TSPAN12: variants seen among roughly 807,000 people sequenced by gnomAD.
TSPAN12 encodes the protein tetraspanin 12.
TSPAN12 carries 19 observed loss-of-function variants against 39.2 expected under a neutral mutation model. The ratio of observed to expected loss-of-function variants is 0.49; its 90% CI spans 0.34 to 0.71. The LOEUF (loss-of-function observed/expected upper bound fraction) is 0.71. Ranked by LOEUF, TSPAN12 falls within the 30% of genes least tolerant of loss-of-function variation. The probability of loss-of-function intolerance (pLI) is 0.01; values close to 1 mark genes in which losing one functional copy is unlikely to be tolerated. For synonymous variants in TSPAN12, 119 were observed against 124.8 expected, an observed-to-expected ratio of 0.95 and a Z score of 0.31; for missense variants, 314 against 359.9, an observed-to-expected ratio of 0.87 and a Z score of 1.03.
chr7:120,833,924 T>A (rs1408556768), intron 4 of TSPAN12, among the ~76,000 whole-genome samples: 1 of 152,178 alleles, frequency 6.6e-6, no homozygotes, highest in Non-Finnish European at 1.5e-5. Context: ...CAATTTCAAT[T>A]TAGCTTCACT....
At chr7:120,857,700 G>C (rs1794902117) in intron 1 of TSPAN12, 120 bp downstream of exon 1, 2 of 152,160 alleles carry the variant, frequency 1.3e-5, no homozygotes, top group African/African-American at 4.8e-5. Flanking sequence ...GAGGGGAAGC[G>C]CCGGCGGCAG....
chr7:120,809,209 C>T (rs554863168), intron 6 of TSPAN12, among the ~76,000 whole-genome samples: 1 of 152,148 alleles, frequency 6.6e-6, no homozygotes, highest in Admixed American at 6.6e-5. Flanking sequence ...AGTACTTGTA[C>T]ATTGTCCATC....
At chr7:120,813,839 C>T (rs1010118214) in intron 5 of TSPAN12, among the ~76,000 whole-genome samples, 1 of 152,098 alleles carries the variant, frequency 6.6e-6, no homozygotes, top group African/African-American at 2.4e-5. Flanking sequence ...TTTATCACTC[C>T]CCTAATAAAG....
At chr7:120,838,014 G>C (rs1426252605) in intron 4 of TSPAN12, among the ~76,000 whole-genome samples, 2 of 152,106 alleles carry the variant, frequency 1.3e-5, no homozygotes, top group African/African-American at 4.8e-5. Flanking sequence ...TACACAGCCA[G>C]GGCTGAGACC....
Position 120,849,820 on chromosome 7 carries a change from C to G in TSPAN12, c.66+6878G>C, listed in dbSNP as rs576929182. The stretch of plus-strand genomic sequence containing the variant: ...TCATTGCACCTGGAACTCCTGGGCT[C>G]AACTGATCCTCCTGCCTTGGCCTCC... On this transcript the variant is annotated intron_variant, in intron 2 of 7. Transcript: ENST00000222747. 3.3e-5 allele frequency among the ~76,000 whole-genome samples: 5 copies of G among 152,310 alleles called. No homozygotes were observed. The East Asian group carries it at 9.6e-4, about 29-fold the overall frequency.
At chr7:120,845,574 C>G (rs2116486870) in intron 2 of TSPAN12, among the ~76,000 whole-genome samples, 1 of 152,314 alleles carries the variant, frequency 6.6e-6, no homozygotes, top group Middle Eastern at 3.4e-3. Flanking sequence ...TACCCTAAAT[C>G]ATCACTCTCA....
At chr7:120,853,512 T>G (rs1250949748) in intron 2 of TSPAN12, among the ~76,000 whole-genome samples, 1 of 144,766 alleles carries the variant, frequency 6.9e-6, no homozygotes, top group East Asian at 2.0e-4. Flanking sequence ...ATATTTATAT[T>G]TAGACATATA....
intron 2 of TSPAN12, among the ~76,000 whole-genome samples, chr7:120,852,085 T>C (rs997436314): frequency 2.6e-5 from 4 of 152,226 alleles, no homozygotes; most frequent in African/African-American, 9.6e-5. Flanking sequence ...GTACTCAAGA[T>C]ATACTTTTTA....
chr7:120,809,852 C>T (rs1793943779), intron 6 of TSPAN12, among the ~76,000 whole-genome samples: 1 of 152,110 alleles, frequency 6.6e-6, no homozygotes, highest in Non-Finnish European at 1.5e-5. Flanking sequence ...TTGTTAATAA[C>T]CATAGGCTAA....
intron 7 of TSPAN12, among the ~76,000 whole-genome samples, chr7:120,791,253 C>T (rs1045935956): frequency 1.2e-4 from 18 of 151,842 alleles, no homozygotes; most frequent in African/African-American, 3.9e-4. Flanking sequence ...TGCTTGAACC[C>T]GGGAGGCAGA....
chr7:120,788,373 T>A lies in TSPAN12; in HGVS notation c.*219A>T, dbSNP rs991862312. 1.2e-5 allele frequency: 7 copies of A among 579,462 alleles called. No homozygotes were observed. The highest frequency in any genetic ancestry group is 1.9e-5 in the African/African-American group (1 of 53,344). The allele number at this position is 579,462 out of a possible 1,614,324, so 35.9% of individuals were successfully genotyped here. A position where few individuals can be genotyped will look rare whatever the true frequency, so the allele number is the denominator to read the frequency against. Reference sequence around the variant, plus strand: ...CACAGGCTACACAGTGGGTATGACATCTGTCTTCAGCATTTTAAGGGCATC... The same window carrying A: ...CACAGGCTACACAGTGGGTATGACAACTGTCTTCAGCATTTTAAGGGCATC... On this transcript the variant is annotated 3_prime_UTR_variant, in exon 8 of 8. Transcript: ENST00000222747.
At chr7:120,821,969 A>G (rs557223398) in intron 4 of TSPAN12, among the ~76,000 whole-genome samples, 2 of 152,254 alleles carry the variant, frequency 1.3e-5, no homozygotes, top group South Asian at 4.1e-4. Context: ...TACAAAACTA[A>G]AGCAGGATGG....
In TSPAN12 at chr7:120,835,271, C is replaced by T. The variant is rs960129272; in HGVS notation, c.285+3506G>A. Among the ~76,000 whole-genome samples the T allele has an allele frequency of 5.9e-5, 9 of 152,176 alleles. No homozygotes were observed. The South Asian group carries it at 6.2e-4, about 11-fold the overall frequency. On this transcript the variant is annotated intron_variant, in intron 4 of 7. Coordinates refer to ENST00000222747, the MANE Select transcript of TSPAN12 (RefSeq NM_012338.4). ...TGAGAATGGGCTTTGCAATCAGGAA[C>T]GCCGAGGTCTGAATCCAAGCTCCCA... is the stretch of plus-strand genomic sequence containing the variant.
At position 120,858,052 on chromosome 7, in the gene TSPAN12, C is replaced by A. The variant is rs1171327481; in HGVS notation, c.-303G>T. On this transcript the variant is annotated 5_prime_UTR_variant, in exon 1 of 8. Transcript: ENST00000222747. ...CAGTTGCTGGAAAGTCTCTGCTAAG[C>A]CACCTCCCAGCGCCGCTGTCCCTCC... 6.6e-6 allele frequency: 1 copy of A among 152,204 alleles called. No homozygotes were observed. The highest frequency in any genetic ancestry group is 1.5e-5 in the Non-Finnish European group (1 of 68,110). 9.4% of individuals were successfully genotyped at this position (152,204 alleles called of 1,614,324 possible). A position where few individuals can be genotyped will look rare whatever the true frequency, so the allele number is the denominator to read the frequency against.
intron 5 of TSPAN12, among the ~76,000 whole-genome samples, 173 bp downstream of exon 5, chr7:120,815,556 T>C (rs1311215634): frequency 6.6e-6 from 1 of 152,190 alleles, no homozygotes; most frequent in African/African-American, 2.4e-5. Context: ...CCTTCTGCCA[T>C]GATTGTAAGT....
At position 120,815,613 on chromosome 7, in the gene TSPAN12, A is replaced by G. The variant is rs560805481; in HGVS notation, c.360+116T>C. On this transcript the variant is annotated intron_variant, in intron 5 of 7. Coordinates refer to ENST00000222747, the MANE Select transcript of TSPAN12 (RefSeq NM_012338.4). ...TGCTGAACTGTGAGTTAATTTACAAATTACCCAGTCTTGGGCAGTTCTTTC... is the reference window on the plus strand; with the variant it reads ...TGCTGAACTGTGAGTTAATTTACAAGTTACCCAGTCTTGGGCAGTTCTTTC... 264 of 950,454 alleles carry G rather than the reference A, an allele frequency of 2.8e-4. No homozygotes were observed. The African/African-American group carries it at 3.1e-3, about 11-fold the overall frequency. 58.9% of individuals were successfully genotyped at this position (950,454 alleles called of 1,614,324 possible). A position where few individuals can be genotyped will look rare whatever the true frequency, so the allele number is the denominator to read the frequency against.
chr7:120,840,158 C>T, intron 2 of TSPAN12, 49 bp from the exon 3 acceptor site: 3 of 1,308,018 alleles, frequency 2.3e-6, no homozygotes, highest in Non-Finnish European at 3.3e-6. Flanking sequence ...ACGTAACATT[C>T]ACTGCAGGAT....
At chr7:120,814,924 G>A (rs140745358) in intron 5 of TSPAN12, among the ~76,000 whole-genome samples, 3 of 152,158 alleles carry the variant, frequency 2.0e-5, no homozygotes, top group Non-Finnish European at 2.9e-5. Context: ...TCTGCCTGTC[G>A]CAAACAGGAG....
chr7:120,841,968 C>T (rs1794587129), intron 2 of TSPAN12, among the ~76,000 whole-genome samples: 1 of 152,106 alleles, frequency 6.6e-6, no homozygotes, highest in Admixed American at 6.6e-5. Context: ...GAATGTCTTT[C>T]CTATTTTGAT....
Sources: gnomAD v4.1 joint callset for allele counts (sites outside exome capture counted in the v4.1 genomes callset) on GRCh38, gnomAD v4.1.1 for gene constraint, MANE v1.5 for transcripts, NCBI Gene and HGNC (gene_info 2026-07-23, HGNC 2026-07-21) for gene names.